The following ADCY2 variants were observed in gnomAD, a reference collection of about 807,000 sequenced individuals.
ADCY2 encodes the protein adenylate cyclase type 2.
A neutral mutation model predicts 125.2 loss-of-function variants in ADCY2; 31 were observed. The ratio of observed to expected loss-of-function variants is 0.25; its 90% confidence interval spans 0.19 to 0.33. The LOEUF (loss-of-function observed/expected upper bound fraction) is 0.33, where lower values mean the gene tolerates loss of function less well. Ranked by LOEUF, ADCY2 falls within the 10% of genes least tolerant of loss-of-function variation. The pLI, the probability that ADCY2 is intolerant of heterozygous loss-of-function variation, is 1.00. For synonymous variants in ADCY2, 512 were observed against 548.4 expected, an observed-to-expected ratio of 0.93 and a Z score of 0.93; for missense variants, 904 against 1,418.2, an observed-to-expected ratio of 0.64 and a Z score of 5.82.
At chr5:7,667,871 G>A (rs11739377) in intron 4 of ADCY2, among the ~76,000 whole-genome samples, 9 of 152,212 alleles carry the variant, frequency 5.9e-5, no homozygotes, top group African/African-American at 1.2e-4. Context: ...GGATGCAGAG[G>A]TGATGCCATG....
At chr5:7,730,530 T>C (rs1323553224) in intron 14 of ADCY2, among the ~76,000 whole-genome samples, 1 of 152,182 alleles carries the variant, frequency 6.6e-6, no homozygotes, top group Non-Finnish European at 1.5e-5. Flanking sequence ...ATATTTTTGG[T>C]GATGTATATG....
At chr5:7,717,076 T>A in intron 11 of ADCY2, 81 bp from the exon 12 acceptor site, 1 of 849,226 alleles carries the variant, frequency 1.2e-6, no homozygotes, top group Non-Finnish European at 1.9e-6. Context: ...GGATGTAAAA[T>A]ATTATGTATC....
In ADCY2 at chr5:7,829,701, G is replaced by C. The variant is rs148637759; in HGVS notation, c.*2830G>C. 10 of 152,456 alleles carry C rather than the reference G, an allele frequency of 6.6e-5. No homozygotes were observed. Among genetic ancestry groups the C allele is most frequent in the Non-Finnish European group, 2.9e-5 (2 of 68,076 alleles). 9.4% of individuals were successfully genotyped at this position (152,456 alleles called of 1,614,324 possible). On this transcript the variant is annotated 3_prime_UTR_variant, in exon 25 of 25. Coordinates refer to ENST00000338316, the MANE Select transcript of ADCY2 (RefSeq NM_020546.3). ...TGTCTAAGTTTTGTCATCAATCCAG[G>C]ATGTTATTCTTCCTTCCCAACTCAC...
chr5:7,669,713 G>A (rs1172649359), intron 4 of ADCY2, among the ~76,000 whole-genome samples: 1 of 152,158 alleles, frequency 6.6e-6, no homozygotes, highest in African/African-American at 2.4e-5. Context: ...ACGTGCACAG[G>A]GTTTTCTTCC....
intron 2 of ADCY2, among the ~76,000 whole-genome samples, chr5:7,514,278 C>T (rs749827327): frequency 2.0e-5 from 3 of 151,132 alleles, no homozygotes; most frequent in Admixed American, 6.6e-5. Context: ...AGAATCAAGT[C>T]AGGACCTATC....
intron 3 of ADCY2, among the ~76,000 whole-genome samples, chr5:7,529,667 A>G (rs1734582097): frequency 6.6e-6 from 1 of 152,204 alleles, no homozygotes; most frequent in Non-Finnish European, 1.5e-5. Context: ...TGTCCCAGGT[A>G]CCCCTCAAGT....
chr5:7,511,193 A>G (rs1484797259), intron 2 of ADCY2, among the ~76,000 whole-genome samples: 2 of 152,214 alleles, frequency 1.3e-5, no homozygotes, highest in Non-Finnish European at 2.9e-5. Context: ...GCCTGCATAT[A>G]TATGGGGGAA....
rs138146986 is a variant in ADCY2 at position 7,629,303 on chromosome 5, G to A, written c.720+2987G>A. On this transcript the variant is annotated intron_variant, in intron 4 of 24. Transcript: ENST00000338316. The stretch of plus-strand genomic sequence containing the variant: ...CAGTGGCGGGTTAGCCCAGGAAGCC[G>A]TCCCTCTTCACCCAGGATTGGAGGG... 5.7e-3 allele frequency among the ~76,000 whole-genome samples: 866 copies of A among 152,194 alleles called. 7 individuals are homozygous for A. Among genetic ancestry groups the A allele is most frequent in the Non-Finnish European group, 9.0e-3 (615 of 68,002 alleles).
chr5:7,437,851 T>C (rs1274002507), intron 2 of ADCY2, among the ~76,000 whole-genome samples: 2 of 152,236 alleles, frequency 1.3e-5, no homozygotes, highest in East Asian at 1.9e-4. Context: ...TATAAACTTT[T>C]GCAGTAATGA....
intron 3 of ADCY2, among the ~76,000 whole-genome samples, chr5:7,568,711 CA>C (rs1735983397): frequency 1.3e-5 from 2 of 152,158 alleles, no homozygotes; most frequent in South Asian, 4.1e-4. Context: ...CTAGTTAAAT[CA>C]AAAATTCACC....
intron 4 of ADCY2, 109 bp downstream of exon 4, chr5:7,626,425 A>C: frequency 7.7e-7 from 1 of 1,307,142 alleles, no homozygotes. Flanking sequence ...CAGAAAAATC[A>C]GAGAAGAAAC....
chr5:7,650,931 C>T (rs1039087345), intron 4 of ADCY2, among the ~76,000 whole-genome samples: 3 of 152,108 alleles, frequency 2.0e-5, no homozygotes, highest in African/African-American at 4.8e-5. Context: ...ACTGACAAGA[C>T]GTTGCTCGGT....
chr5:7,621,213 G>A (rs1018094816), intron 3 of ADCY2, among the ~76,000 whole-genome samples: 2 of 152,192 alleles, frequency 1.3e-5, no homozygotes, highest in African/African-American at 4.8e-5. Flanking sequence ...TGACCTGGAT[G>A]AGAGCAGCCT....
At chr5:7,535,103 C>T (rs1257938054) in intron 3 of ADCY2, among the ~76,000 whole-genome samples, 1 of 152,182 alleles carries the variant, frequency 6.6e-6, no homozygotes, top group Non-Finnish European at 1.5e-5. Flanking sequence ...TGCAATGGCG[C>T]AATCACGGCT....
chr5:7,502,678 C>T (rs1450936458), intron 2 of ADCY2, among the ~76,000 whole-genome samples: 1 of 152,220 alleles, frequency 6.6e-6, no homozygotes, highest in African/African-American at 2.4e-5. Flanking sequence ...CATGGTTTTA[C>T]ATTTCTCTTC....
At chr5:7,484,678 A>G (rs1742858868) in intron 2 of ADCY2, among the ~76,000 whole-genome samples, 1 of 152,034 alleles carries the variant, frequency 6.6e-6, no homozygotes, top group South Asian at 2.1e-4. Flanking sequence ...TCTATCATAA[A>G]CTATGACATG....
At chr5:7,814,127 C>T (rs1437082774) in intron 22 of ADCY2, among the ~76,000 whole-genome samples, 1 of 152,108 alleles carries the variant, frequency 6.6e-6, no homozygotes, top group Non-Finnish European at 1.5e-5. Flanking sequence ...CTTTGTAGCT[C>T]CAATTTTGTA....
chr5:7,449,698 G>T (rs1741402012), intron 2 of ADCY2, among the ~76,000 whole-genome samples: 1 of 152,158 alleles, frequency 6.6e-6, no homozygotes, highest in Non-Finnish European at 1.5e-5. Flanking sequence ...TCATGTGATT[G>T]TGCTTTGTTC....
intron 22 of ADCY2, among the ~76,000 whole-genome samples, chr5:7,812,989 A>T (rs1368708294): frequency 6.6e-6 from 1 of 152,196 alleles, no homozygotes; most frequent in Non-Finnish European, 1.5e-5. Flanking sequence ...AAGTTAAATG[A>T]CTCTACCAAG....
Sources: allele counts gnomAD v4.1 joint callset (sites outside exome capture counted in the v4.1 genomes callset), GRCh38; gene constraint gnomAD v4.1.1; transcripts MANE v1.5; gene names NCBI Gene and HGNC (gene_info 2026-07-23, HGNC 2026-07-21).